The following MEF2C variants were observed in gnomAD, a reference collection of about 807,000 sequenced individuals.
MEF2C encodes myocyte enhancer factor 2C.
A neutral mutation model predicts 50.5 loss-of-function variants in MEF2C; 6 were observed. That is an observed-to-expected ratio of 0.12 (90% confidence interval 0.07 to 0.23). MEF2C has a LOEUF of 0.23. Among genes scored for constraint, MEF2C ranks in the 10% least tolerant of loss-of-function variants. The pLI, the probability that MEF2C is intolerant of heterozygous loss-of-function variation, is 1.00. For synonymous variants in MEF2C, 183 were observed against 228.0 expected (o/e 0.80, Z 1.78); for missense variants, 276 against 605.0 (o/e 0.46, Z 5.70).
At chr5:88,891,433 T>C (rs1402697781) in intron 1 of MEF2C, among the ~76,000 whole-genome samples, 2 of 140,264 alleles carry the variant, frequency 1.4e-5, no homozygotes, top group Non-Finnish European at 3.0e-5. Flanking sequence ...AGTCTCGCTC[T>C]GTCGCCCAGG....
chr5:88,796,922 AG>A (rs780779370), intron 3 of MEF2C, among the ~76,000 whole-genome samples: 1 of 152,118 alleles, frequency 6.6e-6, no homozygotes, highest in Non-Finnish European at 1.5e-5. Context: ...GGTTCCCTGT[AG>A]TTGTGTGGTT....
At chr5:88,758,137 T>A (rs1001954220) in intron 4 of MEF2C, among the ~76,000 whole-genome samples, 1 of 152,204 alleles carries the variant, frequency 6.6e-6, no homozygotes, top group Non-Finnish European at 1.5e-5. Flanking sequence ...CTCCTCTGCA[T>A]GTAAATAATC....
At chr5:88,857,223 G>A (rs1453995155) in intron 1 of MEF2C, among the ~76,000 whole-genome samples, 1 of 152,160 alleles carries the variant, frequency 6.6e-6, no homozygotes, top group Non-Finnish European at 1.5e-5. Context: ...GCTTGCTTGG[G>A]GCCTGTAGCC....
Position 88,722,720 on chromosome 5 carries a change from G to C in MEF2C, c.1306C>G (p.Arg436Gly), listed in dbSNP as rs778488653. The stretch of plus-strand genomic sequence containing the variant: ...TGGAATTCGTTCCGGTGATCCTCTC[G>C]GTCGCTCCCGTCGTACGAACTGCTA... Reference protein sequence around the residue: ...SCSSSYDGSDREDHRNEFHSP... With the variant: ...SCSSSYDGSDGEDHRNEFHSP... The change falls in exon 11 of 11, where the codon CGA becomes GGA. Residue 436 changes from arginine to glycine, a missense_variant. Arg to Gly is a moderately radical substitution (Grantham distance 125, BLOSUM62 -2). Around this residue, in one of 2 missense-constraint regions of MEF2C, gnomAD observed 256 missense variants for 468.1 expected, o/e 0.55. Transcript: ENST00000504921. 2 of 1,613,786 alleles carry C rather than the reference G, an allele frequency of 1.2e-6. No homozygotes were observed. The highest frequency in any genetic ancestry group is 1.7e-6 in the Non-Finnish European group (2 of 1,179,892).
At chr5:88,879,597 C>T (rs914305818) in intron 1 of MEF2C, among the ~76,000 whole-genome samples, 1 of 151,906 alleles carries the variant, frequency 6.6e-6, no homozygotes, top group East Asian at 1.9e-4. Flanking sequence ...CTCTTTATAA[C>T]GCCTCTGAAA....
chr5:88,851,233 C>CAA (rs35458971), intron 1 of MEF2C, among the ~76,000 whole-genome samples: 19,060 of 106,556 alleles, frequency 0.18, 2,181 homozygotes, highest in African/African-American at 0.3. Context: ...CTCCATCTCA[C>CAA]AAAAAAAAAA....
At chr5:88,759,949 G>A (rs1030633542) in intron 4 of MEF2C, among the ~76,000 whole-genome samples, 23 of 152,222 alleles carry the variant, frequency 1.5e-4, no homozygotes. Flanking sequence ...CTCGAACTTT[G>A]TCCCCACATA....
chr5:88,786,780 TG>T (rs1054011198), intron 3 of MEF2C, among the ~76,000 whole-genome samples: 2 of 152,196 alleles, frequency 1.3e-5, no homozygotes, highest in African/African-American at 2.4e-5. Flanking sequence ...ATGGGAAAAA[TG>T]GTTCTCAGAT....
intron 6 of MEF2C, among the ~76,000 whole-genome samples, chr5:88,746,305 T>G (rs528137960): frequency 1.3e-5 from 2 of 152,264 alleles, no homozygotes; most frequent in African/African-American, 4.8e-5. Flanking sequence ...AGGCACTGGA[T>G]GGGAAAGATG....
At position 88,720,883 on chromosome 5, in the gene MEF2C, A is replaced by T. The variant is rs578006920; in HGVS notation, c.*1721T>A. 6.5e-6 allele frequency: 1 copy of T among 152,708 alleles called. No homozygotes were observed. The highest frequency in any genetic ancestry group is 2.1e-4 in the South Asian group (1 of 4,828). The allele number at this position is 152,708 out of a possible 1,614,324, so 9.5% of individuals were successfully genotyped here. ...CTTTATTGAAGAAAAAATAGATGAC[A>T]TACATGCTTTATGCAGAAGTGACAT... On this transcript the variant is annotated 3_prime_UTR_variant, in exon 11 of 11. Coordinates refer to ENST00000504921, the MANE Select transcript of MEF2C (RefSeq NM_002397.5).
At chr5:88,777,057 T>G (rs1053218304) in intron 3 of MEF2C, among the ~76,000 whole-genome samples, 2 of 152,220 alleles carry the variant, frequency 1.3e-5, no homozygotes, top group African/African-American at 4.8e-5. Flanking sequence ...TACTGCAAAC[T>G]TGACTTTTTA....
intron 2 of MEF2C, among the ~76,000 whole-genome samples, chr5:88,811,418 G>C (rs1460452138): frequency 2.0e-5 from 3 of 152,126 alleles, no homozygotes; most frequent in African/African-American, 4.8e-5. Flanking sequence ...TGTTCACATA[G>C]AGCTGCATAT....
Position 88,749,131 on chromosome 5 carries a change from A to C in MEF2C, c.590-14T>G. ...CCATCAGACCACCTATGGATTAAAG[A>C]GGAAGATCAAAACGAGAAAGGCTAA... On this transcript the variant is annotated splice_polypyrimidine_tract_variant and intron_variant, in intron 5 of 10. Transcript: ENST00000504921. The C allele has an allele frequency of 6.4e-7, 1 of 1,558,882 alleles. No homozygotes were observed. Among genetic ancestry groups the C allele is most frequent in the Middle Eastern group, 1.7e-4 (1 of 5,954 alleles).
chr5:88,847,870 A>G (rs1056698193), intron 1 of MEF2C, among the ~76,000 whole-genome samples: 3 of 152,168 alleles, frequency 2.0e-5, no homozygotes, highest in African/African-American at 7.2e-5. Flanking sequence ...TATTTACACA[A>G]TTTTTGGTAA....
intron 3 of MEF2C, chr5:88,766,638 C>T (rs1780176204): frequency 1.2e-5 from 12 of 985,290 alleles, no homozygotes; most frequent in Non-Finnish European, 1.2e-5. Context: ...CATCCTTTTC[C>T]TGTGCCTGCC....
intron 1 of MEF2C, among the ~76,000 whole-genome samples, chr5:88,827,843 T>A (rs1811519749): frequency 6.7e-6 from 1 of 149,668 alleles, no homozygotes; most frequent in Admixed American, 6.7e-5. Context: ...AAAAAAAGAA[T>A]TATGAAAACC....
chr5:88,719,519 C>T lies in MEF2C; in HGVS notation c.*3085G>A, dbSNP rs142862331. On this transcript the variant is annotated 3_prime_UTR_variant, in exon 11 of 11. Coordinates refer to ENST00000504921, the MANE Select transcript of MEF2C (RefSeq NM_002397.5). ...TAAAATGCCACTTATGGATCTTTTACTTGCAATGAAGAATGTTGCCTAAAA... is the reference window on the plus strand; with the variant it reads ...TAAAATGCCACTTATGGATCTTTTATTTGCAATGAAGAATGTTGCCTAAAA... 3.9e-5 allele frequency: 6 copies of T among 152,282 alleles called. No homozygotes were observed. Among genetic ancestry groups the T allele is most frequent in the Admixed American group, 2.6e-4 (4 of 15,308 alleles). 9.4% of individuals were successfully genotyped at this position (152,282 alleles called of 1,614,324 possible). A position where few individuals can be genotyped will look rare whatever the true frequency, so the allele number is the denominator to read the frequency against.
intron 1 of MEF2C, chr5:88,838,479 A>G (rs1334633638): frequency 1.2e-6 from 1 of 842,358 alleles, no homozygotes; most frequent in Non-Finnish European, 1.4e-6. Flanking sequence ...TCCCGGAAAA[A>G]GAAACCCAAA....
intron 1 of MEF2C, among the ~76,000 whole-genome samples, chr5:88,888,384 T>C (rs796354896): frequency 8.5e-5 from 13 of 152,360 alleles, no homozygotes; most frequent in African/African-American, 3.1e-4. Context: ...AGGAGGACTT[T>C]GCATAGTGAA....
Sources: gnomAD v4.1 joint callset for allele counts (sites outside exome capture counted in the v4.1 genomes callset) on GRCh38, gnomAD v4.1.1 for gene constraint, gnomAD v4.1.1 regional missense constraint, MANE v1.5 for transcripts, NCBI Gene and HGNC (gene_info 2026-07-23, HGNC 2026-07-21) for gene names.